The following PLAC1 variants were observed in gnomAD, a reference collection of about 807,000 sequenced individuals.
The protein encoded by PLAC1 is placenta associated 1.
For synonymous variants in PLAC1, 68 were observed against 62.1 expected, an observed-to-expected ratio of 1.09 and a Z score of -0.44; for missense variants, 136 against 163.2, an observed-to-expected ratio of 0.83 and a Z score of 0.91.
chrX:134,609,101 G>A (rs1196892871), intron 1 of PLAC1, among the ~76,000 whole-genome samples: 3 of 110,831 alleles, frequency 2.7e-5, no homozygotes, highest in African/African-American at 9.9e-5. Context: ...GCCTCTCAAA[G>A]TGTTAGGATT....
chrX:134,584,794 G>T (rs1219689017), intron 2 of PLAC1, among the ~76,000 whole-genome samples: 2 of 110,966 alleles, frequency 1.8e-5, no homozygotes. Context: ...ACAATGAATT[G>T]CCTGTGTGAC....
chrX:134,581,324 T>C (rs189661804), intron 2 of PLAC1, among the ~76,000 whole-genome samples: 2 of 110,449 alleles, frequency 1.8e-5, no homozygotes, highest in East Asian at 5.7e-4. Flanking sequence ...TTGTAAAAAC[T>C]GGAAAAAGGG....
chrX:134,616,317 A>G (rs2078178891), intron 1 of PLAC1, among the ~76,000 whole-genome samples: 2 of 111,110 alleles, frequency 1.8e-5, no homozygotes, highest in South Asian at 3.8e-4. Flanking sequence ...AGTGCCCCCA[A>G]CTTTCTCTCT....
intron 1 of PLAC1, among the ~76,000 whole-genome samples, chrX:134,740,624 T>C (rs995351796): frequency 1.8e-5 from 2 of 111,824 alleles, no homozygotes; most frequent in African/African-American, 3.3e-5. Context: ...TGGCCTTCTT[T>C]GGGAAAGGGG....
chrX:134,622,467 G>A (rs758458672), intron 1 of PLAC1, among the ~76,000 whole-genome samples: 1 of 111,762 alleles, frequency 8.9e-6, no homozygotes, highest in African/African-American at 3.2e-5. Flanking sequence ...CCAGTTAGTT[G>A]AATGAGGAGG....
At chrX:134,694,519 G>A (rs764552241) in intron 2 of PLAC1, among the ~76,000 whole-genome samples, 1 of 112,074 alleles carries the variant, frequency 8.9e-6, no homozygotes, top group African/African-American at 3.2e-5. Context: ...GCATCTCCTT[G>A]AGCAGGCCTG....
intron 1 of PLAC1, among the ~76,000 whole-genome samples, chrX:134,763,824 AAAAGAAAGAAAGAAAGAAAG>A (rs58989876): frequency 2.1e-4 from 19 of 90,509 alleles, no homozygotes; most frequent in Non-Finnish European, 1.5e-4. Flanking sequence ...TCCGAAAAAA[AAAAGAAAGAAAGAAAGAAAG>A]AAAGAAAGAA....
intron 1 of PLAC1, among the ~76,000 whole-genome samples, chrX:134,623,153 A>G (rs1385943881): frequency 8.9e-6 from 1 of 112,206 alleles, no homozygotes; most frequent in Non-Finnish European, 1.9e-5. Flanking sequence ...CTCTCGTCAG[A>G]TAGTTTTTCA....
At chrX:134,735,957 TAAAAAAAAA>T (rs766171376) in intron 1 of PLAC1, among the ~76,000 whole-genome samples, 1 of 83,976 alleles carries the variant, frequency 1.2e-5, no homozygotes, top group African/African-American at 4.4e-5. Context: ...CTGTCTACCT[TAAAAAAAAA>T]AAAAAAAAAA....
At chrX:134,662,995 C>T (rs1259846892), upstream of PLAC1, among the ~76,000 whole-genome samples, 1 of 111,884 alleles carries the variant, frequency 8.9e-6, no homozygotes, top group Non-Finnish European at 1.9e-5. Context: ...TTTGACGACC[C>T]CTGATCTAGG....
At chrX:134,703,295 T>A (rs956043684) in intron 2 of PLAC1, among the ~76,000 whole-genome samples, 1 of 111,733 alleles carries the variant, frequency 8.9e-6, no homozygotes, top group African/African-American at 3.2e-5. Context: ...AAAAGACAGA[T>A]GGCATTCAAA....
Position 134,575,382 on chromosome X carries a change from G to A in PLAC1, c.-58-8642C>T, listed in dbSNP as rs143271271. ...AAAAACTAGCTGGATGTGGTGGTGCGCACCTGTTGTCCCAGCTACTTGGCA... is the reference window on the plus strand; with the variant it reads ...AAAAACTAGCTGGATGTGGTGGTGCACACCTGTTGTCCCAGCTACTTGGCA... On this transcript the variant is annotated intron_variant, in intron 2 of 2. Transcript: ENST00000359237. 6.4e-4 allele frequency among the ~76,000 whole-genome samples: 70 copies of A among 109,641 alleles called. No homozygotes were observed. The East Asian group carries it at 0.011, about 17-fold the overall frequency.
At chrX:134,626,848 C>A (rs752329227) in intron 1 of PLAC1, among the ~76,000 whole-genome samples, 1 of 112,008 alleles carries the variant, frequency 8.9e-6, no homozygotes, top group East Asian at 2.8e-4. Flanking sequence ...CAAACAAAAT[C>A]AAGTTGTTAT....
chrX:134,762,687 G>A (rs2078772623), intron 1 of PLAC1, among the ~76,000 whole-genome samples: 1 of 107,893 alleles, frequency 9.3e-6, no homozygotes, highest in African/African-American at 3.4e-5. Flanking sequence ...AATTAGCCAG[G>A]CGCAGTGGCG....
intron 2 of PLAC1, among the ~76,000 whole-genome samples, chrX:134,567,152 A>G (rs1336485958): frequency 8.9e-6 from 1 of 112,578 alleles, no homozygotes; most frequent in African/African-American, 3.2e-5. Context: ...CTCATAGGCC[A>G]TACTAATGAA....
intron 1 of PLAC1, among the ~76,000 whole-genome samples, chrX:134,610,609 G>T (rs992346155): frequency 9.0e-6 from 1 of 110,980 alleles, no homozygotes; most frequent in South Asian, 3.8e-4. Flanking sequence ...TAAAACAAGG[G>T]CATTTTGCAT....
intron 2 of PLAC1, among the ~76,000 whole-genome samples, chrX:134,673,426 C>T (rs917380411): frequency 9.1e-6 from 1 of 110,064 alleles, no homozygotes; most frequent in Non-Finnish European, 1.9e-5. Flanking sequence ...ATTTGTGTGA[C>T]AGGATGTGAG....
chrX:134,651,413 C>CA (rs368472505), intron 1 of PLAC1: 422 of 142,943 alleles, frequency 3.0e-3, no homozygotes, highest in Middle Eastern at 0.026. Context: ...CACTTGTAAA[C>CA]AAAAATGACT....
intron 1 of PLAC1, among the ~76,000 whole-genome samples, chrX:134,762,998 AAAAT>A (rs1486096715): frequency 1.8e-5 from 2 of 110,442 alleles, no homozygotes; most frequent in Admixed American, 1.9e-4. Flanking sequence ...CCATAATTCA[AAAAT>A]AAATAAAAAT....
Sources: allele counts gnomAD v4.1 joint callset (sites outside exome capture counted in the v4.1 genomes callset), GRCh38; gene constraint gnomAD v4.1.1; transcripts MANE v1.5; gene names NCBI Gene and HGNC (gene_info 2026-07-23, HGNC 2026-07-21).